Variants in SLCO5A1 observed in about 807,000 individuals in gnomAD.
SLCO5A1 encodes solute carrier organic anion transporter family member 5A1.
SLCO5A1 carries 39 observed loss-of-function variants against 65.1 expected under a neutral mutation model. That is an observed-to-expected ratio of 0.60 (90% CI 0.46 to 0.78). The LOEUF is 0.78. SLCO5A1 is among the 30% of genes least tolerant of loss of function. The pLI is 0.00. For synonymous variants in SLCO5A1, 438 were observed against 415.7 expected, an observed-to-expected ratio of 1.05 and a Z score of -0.65; for missense variants, 1,029 against 1,069.4, an observed-to-expected ratio of 0.96 and a Z score of 0.53.
At chr8:69,766,750 C>T (rs778058928) in intron 2 of SLCO5A1, among the ~76,000 whole-genome samples, 1 of 152,174 alleles carries the variant, frequency 6.6e-6, no homozygotes, top group Non-Finnish European at 1.5e-5. Context: ...TACATATTTC[C>T]TTTGTCCATC....
chr8:69,712,640 C>A (rs1232185173), intron 5 of SLCO5A1, among the ~76,000 whole-genome samples: 1 of 152,010 alleles, frequency 6.6e-6, no homozygotes, highest in Non-Finnish European at 1.5e-5. Flanking sequence ...TTTATGGTAC[C>A]CAGCGCTAGC....
intron 2 of SLCO5A1, among the ~76,000 whole-genome samples, chr8:69,807,293 T>A (rs1317996595): frequency 6.6e-6 from 1 of 152,256 alleles, no homozygotes; most frequent in African/African-American, 2.4e-5. Context: ...CATTGTGGAA[T>A]GATTAAGTAA....
intron 2 of SLCO5A1, among the ~76,000 whole-genome samples, chr8:69,816,431 T>C (rs1056639918): frequency 6.6e-6 from 1 of 152,140 alleles, no homozygotes; most frequent in Non-Finnish European, 1.5e-5. Context: ...AAATTGCCAA[T>C]GGTAGTTGAA....
chr8:69,798,086 C>T (rs375378656), intron 2 of SLCO5A1, among the ~76,000 whole-genome samples: 34 of 152,228 alleles, frequency 2.2e-4, no homozygotes, highest in Middle Eastern at 6.8e-3. Flanking sequence ...TCAGACCAGC[C>T]GACACTTAGG....
chr8:69,829,745 A>G (rs1821081093), intron 2 of SLCO5A1, among the ~76,000 whole-genome samples: 1 of 152,238 alleles, frequency 6.6e-6, no homozygotes, highest in African/African-American at 2.4e-5. Flanking sequence ...TGAATATTTA[A>G]TGATATTAGG....
intron 2 of SLCO5A1, among the ~76,000 whole-genome samples, chr8:69,795,073 C>G (rs1297451377): frequency 6.6e-6 from 1 of 152,168 alleles, no homozygotes; most frequent in South Asian, 2.1e-4. Flanking sequence ...CCCACCAGGC[C>G]CCACCTCCAA....
chr8:69,784,280 A>T (rs897003167), intron 2 of SLCO5A1, among the ~76,000 whole-genome samples: 6 of 152,214 alleles, frequency 3.9e-5, no homozygotes, highest in African/African-American at 1.4e-4. Flanking sequence ...AAGATGGAAA[A>T]TAATCTATGC....
Position 69,668,937 on chromosome 8 carries a change from T to TA in SLCO5A1, c.*3931dup, listed in dbSNP as rs1483355566. ...CACTTAAAACCCTTATTAGGAATCT[T>TA]AAAACTCATATTCATCAAAAAACTA... On this transcript the variant is annotated 3_prime_UTR_variant, in exon 10 of 10. Transcript: ENST00000260126. The TA allele has an allele frequency of 2.0e-5, 3 of 152,118 alleles. No individual in the cohort carries two copies. The highest frequency in any genetic ancestry group is 7.2e-5 in the African/African-American group (3 of 41,436). 9.4% of individuals were successfully genotyped at this position (152,118 alleles called of 1,614,324 possible).
intron 2 of SLCO5A1, among the ~76,000 whole-genome samples, chr8:69,805,573 T>C (rs923053074): frequency 1.3e-5 from 2 of 152,180 alleles, no homozygotes; most frequent in Non-Finnish European, 2.9e-5. Flanking sequence ...GTGGGAGAAT[T>C]CTTCATGCCT....
chr8:69,765,078 T>A (rs1262974377), intron 2 of SLCO5A1, among the ~76,000 whole-genome samples: 1 of 152,208 alleles, frequency 6.6e-6, no homozygotes, highest in Non-Finnish European at 1.5e-5. Flanking sequence ...TTTATTTCTA[T>A]TATATAGCAA....
intron 2 of SLCO5A1, among the ~76,000 whole-genome samples, chr8:69,785,161 C>T (rs1819002352): frequency 6.6e-6 from 1 of 151,574 alleles, no homozygotes; most frequent in South Asian, 2.1e-4. Flanking sequence ...CTTAGATTAC[C>T]CAAGACAAAT....
chr8:69,746,040 G>C (rs1340440485), intron 4 of SLCO5A1, among the ~76,000 whole-genome samples: 1 of 152,082 alleles, frequency 6.6e-6, no homozygotes, highest in African/African-American at 2.4e-5. Context: ...AGCCAACATG[G>C]ATTCCTTCCT....
At chr8:69,709,829 A>C (rs1358108979) in intron 5 of SLCO5A1, among the ~76,000 whole-genome samples, 1 of 152,282 alleles carries the variant, frequency 6.6e-6, no homozygotes, top group African/African-American at 2.4e-5. Flanking sequence ...ATAGAGGGTA[A>C]TATGGGTCCA....
At chr8:69,678,435 A>G (rs1813634590) in intron 8 of SLCO5A1, among the ~76,000 whole-genome samples, 1 of 152,226 alleles carries the variant, frequency 6.6e-6, no homozygotes, top group Non-Finnish European at 1.5e-5. Flanking sequence ...GAAGGTCTTC[A>G]AGATTCAGAT....
intron 2 of SLCO5A1, among the ~76,000 whole-genome samples, chr8:69,801,838 C>T (rs1398255441): frequency 6.6e-6 from 1 of 152,156 alleles, no homozygotes; most frequent in Non-Finnish European, 1.5e-5. Flanking sequence ...AACTAAGACC[C>T]GCTGAGTTCA....
Position 69,832,082 on chromosome 8 carries a change from G to GC in SLCO5A1, c.591dup (p.Leu198AlafsTer62). 2 of 1,613,646 alleles carry GC rather than the reference G, an allele frequency of 1.2e-6. No homozygotes were observed. The highest frequency in any genetic ancestry group is 1.7e-6 in the Non-Finnish European group (2 of 1,179,984). On this transcript the variant is annotated frameshift_variant, in exon 2 of 10. Coordinates refer to ENST00000260126, the MANE Select transcript of SLCO5A1 (RefSeq NM_030958.3). LOFTEE classifies it high-confidence loss of function. The surrounding 1 kb of genome is among the most constrained non-coding windows in gnomAD (Gnocchi z 4.5). ...GCGATGAGGAGTCCACCCACGGCCAGCCACAGGGGCCGCCGACCCCGGCCG... is the reference window on the plus strand; with the variant it reads ...GCGATGAGGAGTCCACCCACGGCCAGCCCACAGGGGCCGCCGACCCCGGCCG...
At chr8:69,748,425 C>T (rs1817136626) in intron 4 of SLCO5A1, among the ~76,000 whole-genome samples, 1 of 152,166 alleles carries the variant, frequency 6.6e-6, no homozygotes, top group Non-Finnish European at 1.5e-5. Context: ...ATTTACCTTT[C>T]ACCTCCTAAG....
intron 5 of SLCO5A1, among the ~76,000 whole-genome samples, chr8:69,712,800 C>A (rs897936070): frequency 6.6e-6 from 1 of 152,142 alleles, no homozygotes; most frequent in Admixed American, 6.5e-5. Flanking sequence ...AACAAACATT[C>A]ATTTTGAACT....
intron 4 of SLCO5A1, among the ~76,000 whole-genome samples, chr8:69,741,900 A>C (rs1449176450): frequency 5.3e-5 from 8 of 152,256 alleles, no homozygotes; most frequent in Admixed American, 5.2e-4. Flanking sequence ...TAAAGGGCAC[A>C]AAAACTAAAC....
Sources: gnomAD v4.1 joint callset for allele counts (sites outside exome capture counted in the v4.1 genomes callset) on GRCh38, gnomAD v4.1.1 for gene constraint, Gnocchi (gnomAD v3.1) non-coding constraint, MANE v1.5 for transcripts, NCBI Gene and HGNC (gene_info 2026-07-23, HGNC 2026-07-21) for gene names.